Variants in ERC2 observed in about 807,000 individuals in gnomAD.
The protein encoded by ERC2 is ERC protein 2.
In ERC2, 42 loss-of-function variants were observed where a neutral mutation model predicts 114.8. The ratio of observed to expected loss-of-function variants is 0.37; its 90% CI spans 0.29 to 0.47. The LOEUF is 0.47. ERC2 is among the 20% of genes least tolerant of loss of function. The pLI is 0.99. For missense variants in ERC2, 939 were observed against 1,150.7 expected (o/e 0.82, Z 2.66); for synonymous variants, 454 against 425.5 (o/e 1.07, Z -0.82).
chr3:56,447,332 G>A (rs146134861), intron 1 of ERC2, among the ~76,000 whole-genome samples: 131 of 152,328 alleles, frequency 8.6e-4, no homozygotes, highest in African/African-American at 3.0e-3. Context: ...TGGGCTGGTC[G>A]GACAGATTGA....
At position 56,157,098 on chromosome 3, in the gene ERC2, A is replaced by G. The variant is rs532322221; in HGVS notation, c.1150-7966T>C. On this transcript the variant is annotated intron_variant, in intron 4 of 17. Coordinates refer to ENST00000288221, the MANE Select transcript of ERC2 (RefSeq NM_015576.3). Reference sequence around the variant, plus strand: ...TTACAGATGGTAAATAACTTGCCCAAGGTTTCCCCCTGGGTAAACTGGAAT... The same window carrying G: ...TTACAGATGGTAAATAACTTGCCCAGGGTTTCCCCCTGGGTAAACTGGAAT... Among the ~76,000 whole-genome samples the G allele has an allele frequency of 3.1e-4, 47 of 152,282 alleles. 1 individual carries two copies. In the South Asian group the frequency reaches 5.6e-3, roughly 18 times the overall value.
chr3:55,710,626 C>T (rs1461302555), intron 15 of ERC2, among the ~76,000 whole-genome samples: 1 of 152,042 alleles, frequency 6.6e-6, no homozygotes. Context: ...AGCTTAAGTA[C>T]AAAATGTCCA....
chr3:56,256,580 T>G (rs893218608), intron 3 of ERC2, among the ~76,000 whole-genome samples: 1 of 152,070 alleles, frequency 6.6e-6, no homozygotes, highest in Non-Finnish European at 1.5e-5. Flanking sequence ...GGCAGCCTGA[T>G]GTAACAGAAA....
At chr3:56,066,303 T>C (rs1295832011) in intron 7 of ERC2, among the ~76,000 whole-genome samples, 1 of 152,074 alleles carries the variant, frequency 6.6e-6, no homozygotes, top group Non-Finnish European at 1.5e-5. Flanking sequence ...ATCAGTGATG[T>C]TGAGCTTTGC....
At chr3:56,408,440 T>G (rs1407725272) in intron 2 of ERC2, among the ~76,000 whole-genome samples, 2 of 151,942 alleles carry the variant, frequency 1.3e-5, no homozygotes, top group African/African-American at 4.8e-5. Context: ...AATGTGGGAC[T>G]ACAGAGATTC....
At chr3:55,658,757 C>A (rs1402179679) in intron 17 of ERC2, 1 of 152,700 alleles carries the variant, frequency 6.5e-6, no homozygotes, top group Non-Finnish European at 1.5e-5. Flanking sequence ...GTAGTTCTGA[C>A]TTGCCAGCCT....
chr3:55,645,397 C>T (rs965183301), intron 17 of ERC2, among the ~76,000 whole-genome samples: 1 of 152,252 alleles, frequency 6.6e-6, no homozygotes, highest in African/African-American at 2.4e-5. Context: ...CTGTCATAAG[C>T]CTCTAACATC....
intron 2 of ERC2, among the ~76,000 whole-genome samples, chr3:56,319,301 T>C (rs2057015839): frequency 6.6e-6 from 1 of 151,556 alleles, no homozygotes; most frequent in Non-Finnish European, 1.5e-5. Context: ...CAGAATATTA[T>C]TCAGCCTTAA....
intron 17 of ERC2, among the ~76,000 whole-genome samples, chr3:55,550,389 G>A (rs2055085049): frequency 6.6e-6 from 1 of 152,156 alleles, no homozygotes; most frequent in South Asian, 2.1e-4. Flanking sequence ...CTTGAGGGCA[G>A]GGCAATCAGC....
chr3:55,830,210 C>T (rs1475506673), intron 14 of ERC2, among the ~76,000 whole-genome samples: 1 of 152,118 alleles, frequency 6.6e-6, no homozygotes. Flanking sequence ...CATAAAGAAA[C>T]TGTCAACTGA....
intron 10 of ERC2, among the ~76,000 whole-genome samples, chr3:56,006,472 TC>T (rs2072502674): frequency 6.6e-6 from 1 of 152,016 alleles, no homozygotes; most frequent in Non-Finnish European, 1.5e-5. Context: ...ATGCTTAAAC[TC>T]ATAATGTTAT....
At chr3:55,693,400 G>A (rs1275759275) in intron 16 of ERC2, among the ~76,000 whole-genome samples, 1 of 152,162 alleles carries the variant, frequency 6.6e-6, no homozygotes, top group East Asian at 1.9e-4. Flanking sequence ...CATGTTCAGA[G>A]GCTCAGGGGA....
chr3:56,066,270 T>C (rs1052941054), intron 7 of ERC2, among the ~76,000 whole-genome samples: 3 of 152,214 alleles, frequency 2.0e-5, no homozygotes, highest in Non-Finnish European at 4.4e-5. Flanking sequence ...TTCATTGTGG[T>C]TTTGATTTGC....
At chr3:56,065,785 G>A (rs1255242695) in intron 7 of ERC2, among the ~76,000 whole-genome samples, 1 of 152,110 alleles carries the variant, frequency 6.6e-6, no homozygotes, top group Non-Finnish European at 1.5e-5. Context: ...ACTTATGAGT[G>A]AGTATATGTG....
At chr3:55,567,228 G>C (rs1455249518) in intron 17 of ERC2, among the ~76,000 whole-genome samples, 1 of 152,170 alleles carries the variant, frequency 6.6e-6, no homozygotes, top group African/African-American at 2.4e-5. Flanking sequence ...GTGGTGAGGA[G>C]AGTTGTGAGT....
chr3:55,796,230 G>C (rs1206006240), intron 14 of ERC2, among the ~76,000 whole-genome samples: 5 of 148,596 alleles, frequency 3.4e-5, no homozygotes, highest in African/African-American at 1.2e-4. Flanking sequence ...GTTCGAAGCA[G>C]GCAAGGCCTG....
Position 56,139,563 on chromosome 3 carries a change from C to T in ERC2, c.1419G>A (p.Val473=). 6.2e-7 allele frequency: 1 copy of T among 1,613,970 alleles called. No homozygotes were observed. The highest frequency in any genetic ancestry group is 8.5e-7 in the Non-Finnish European group (1 of 1,179,944). The change falls in exon 6 of 18, where the codon GTG becomes GTA. Residue 473 remains valine, a synonymous_variant. Coordinates refer to ENST00000288221, the MANE Select transcript of ERC2 (RefSeq NM_015576.3). ...QNSDCKQHIE[V]LKESLTAKEQ... ...CTTTGGCAGTAAGTGACTCTTTGAG[C>T]ACTTCAATGTGTTGCTTGCAATCTG... is the stretch of plus-strand genomic sequence containing the variant.
intron 1 of ERC2, among the ~76,000 whole-genome samples, chr3:56,466,237 T>C (rs1314950036): frequency 6.6e-6 from 1 of 152,226 alleles, no homozygotes; most frequent in Non-Finnish European, 1.5e-5. Flanking sequence ...TTCTAATCAG[T>C]ATATTCTGGC....
At chr3:56,167,517 C>T (rs1390301794) in intron 4 of ERC2, among the ~76,000 whole-genome samples, 1 of 152,108 alleles carries the variant, frequency 6.6e-6, no homozygotes, top group Non-Finnish European at 1.5e-5. Flanking sequence ...AACCATATAT[C>T]ATCTAGAACT....
Sources: gnomAD v4.1 joint callset for allele counts (sites outside exome capture counted in the v4.1 genomes callset) on GRCh38, gnomAD v4.1.1 for gene constraint, MANE v1.5 for transcripts, NCBI Gene and HGNC (gene_info 2026-07-23, HGNC 2026-07-21) for gene names.